Variants in SIK3 observed in about 807,000 individuals in gnomAD.
SIK3 encodes the protein SIK family kinase 3, also known as serine/threonine-protein kinase SIK3.
Under a neutral mutation model 144.2 loss-of-function variants are expected in SIK3, and 28 were observed. The ratio of observed to expected loss-of-function variants is 0.19; its 90% CI spans 0.14 to 0.27. The LOEUF is 0.27. Ranked by LOEUF, SIK3 falls within the 10% of genes least tolerant of loss-of-function variation. The pLI is 1.00. For synonymous variants in SIK3, 686 were observed against 676.3 expected, an observed-to-expected ratio of 1.01 and a Z score of -0.22; for missense variants, 1,319 against 1,776.0, an observed-to-expected ratio of 0.74 and a Z score of 4.62.
At chr11:117,053,624 C>T (rs1327544226) in intron 1 of SIK3, among the ~76,000 whole-genome samples, 1 of 152,002 alleles carries the variant, frequency 6.6e-6, no homozygotes, top group Non-Finnish European at 1.5e-5. Flanking sequence ...GGGATTTTAA[C>T]TTACCACTAT....
chr11:117,002,384 AGCC>A (rs1398606369), intron 1 of SIK3, among the ~76,000 whole-genome samples: 1 of 151,564 alleles, frequency 6.6e-6, no homozygotes, highest in Non-Finnish European at 1.5e-5. Context: ...TGGCCAGGGA[AGCC>A]AAACAATTGG....
intron 1 of SIK3, among the ~76,000 whole-genome samples, chr11:116,999,865 C>G (rs1490094380): frequency 6.6e-6 from 1 of 152,046 alleles, no homozygotes; most frequent in East Asian, 1.9e-4. Flanking sequence ...ATATACTTTC[C>G]AGGTTGTTGA....
chr11:116,979,745 G>C (rs1195608983), intron 1 of SIK3, among the ~76,000 whole-genome samples: 1 of 152,114 alleles, frequency 6.6e-6, no homozygotes, highest in Non-Finnish European at 1.5e-5. Flanking sequence ...TACTTGGGAG[G>C]CTGAAGCAGG....
chr11:117,014,239 C>T (rs1054026144), intron 1 of SIK3, among the ~76,000 whole-genome samples: 2 of 151,834 alleles, frequency 1.3e-5, no homozygotes, highest in Non-Finnish European at 2.9e-5. Context: ...CCAAGTCTTA[C>T]ATCTCTTAGT....
rs757221490 is a variant in SIK3, at chr11:116,858,371, C to T, written c.3094G>A (p.Asp1032Asn). The part of the protein sequence containing the change: ...SPRHSLTGHS[D>N]IRLPPTEFAQ... ...AACTCTGTTGGGGGCAGCCGGATGT[C>T]CGAGTGGCCGGTGAGCGAATGCCGG... Residue 1032 changes from aspartate (D) to asparagine (N), a missense_variant, in exon 21 of 25, where the codon GAC becomes AAC. Physicochemically the swap from Asp to Asn is conservative, Grantham distance 23 (BLOSUM62 1). Around this residue, in one of 8 missense-constraint regions of SIK3, gnomAD observed 646 missense variants for 763.7 expected, o/e 0.85. Coordinates refer to ENST00000445177, the MANE Select transcript of SIK3 (RefSeq NM_001366686.3). The surrounding 1 kb of genome is among the most constrained non-coding windows in gnomAD (Gnocchi z 5.4). 9 of 1,613,574 alleles carry T rather than the reference C, an allele frequency of 5.6e-6. No homozygotes were observed. Among genetic ancestry groups the T allele is most frequent in the Non-Finnish European group, 6.8e-6 (8 of 1,179,814 alleles).
intron 1 of SIK3, among the ~76,000 whole-genome samples, chr11:117,092,408 A>G (rs1269906392): frequency 2.0e-5 from 3 of 152,174 alleles, no homozygotes; most frequent in African/African-American, 7.2e-5. Flanking sequence ...CAGCTCAAAT[A>G]TCATCATCTT....
At chr11:116,876,412 A>T in intron 7 of SIK3, 49 bp from the exon 8 acceptor site, 1 of 1,425,236 alleles carries the variant, frequency 7.0e-7, no homozygotes, top group Non-Finnish European at 9.9e-7. Context: ...TAACCACATC[A>T]AATGTGGCAC....
intron 21 of SIK3, among the ~76,000 whole-genome samples, chr11:116,851,670 T>C (rs973221565): frequency 1.3e-5 from 2 of 152,176 alleles, no homozygotes; most frequent in African/African-American, 4.8e-5. Context: ...ACTATTTTGC[T>C]ACAGAAAGCT....
chr11:116,909,829 T>C (rs897542219), intron 4 of SIK3, among the ~76,000 whole-genome samples: 15 of 152,188 alleles, frequency 9.9e-5, no homozygotes. Flanking sequence ...AAATAGGAAA[T>C]GAATGTATCA....
chr11:116,861,371 C>A lies in SIK3; in HGVS notation c.2328G>T (p.Gln776His). Residue 776 changes from glutamine to histidine, a missense_variant, in exon 19 of 25, where the codon CAG becomes CAT. By Grantham distance (24) the Gln-to-His change is conservative. Coordinates refer to ENST00000445177, the MANE Select transcript of SIK3 (RefSeq NM_001366686.3). ...GGTGGTTGGGGGGTGGGCTTGAAGG[C>A]TGAATCCTTAACCTTAAAAATAACA... ...LTHQLQRLRIQPSSPPPNHPN... is the reference protein window; with the variant it reads ...LTHQLQRLRIHPSSPPPNHPN... The A allele has an allele frequency of 6.3e-7, 1 of 1,599,896 alleles. No individual in the cohort carries two copies. Among genetic ancestry groups the A allele is most frequent in the Non-Finnish European group, 8.5e-7 (1 of 1,174,790 alleles).
rs1173784198 is a variant in SIK3 at position 117,023,581 on chromosome 11, AAAACAAACAAAC to A, written c.274-66529_274-66518del. ...CCACTATGCCCAGCTAATATTCTTA[AAAACAAACAAAC>A]AAACAAACAAACAAACAAAAAAAAA... On this transcript the variant is annotated intron_variant, in intron 1 of 24. Transcript: ENST00000445177. Among the ~76,000 whole-genome samples, 29 of 106,380 alleles carry A rather than the reference AAAACAAACAAAC, an allele frequency of 2.7e-4. No individual in the cohort carries two copies. In the Admixed American group the frequency reaches 2.9e-3, roughly 11 times the overall value. 69.8% of individuals were successfully genotyped at this position (106,380 alleles called of 152,430 possible). A position where few individuals can be genotyped will look rare whatever the true frequency, so the allele number is the denominator to read the frequency against.
chr11:116,956,330 A>G (rs1949137260), intron 2 of SIK3, among the ~76,000 whole-genome samples: 1 of 148,318 alleles, frequency 6.7e-6, no homozygotes, highest in Non-Finnish European at 1.5e-5. Context: ...GTTTCTTGGG[A>G]AGACCAAAAA....
At chr11:116,999,742 T>C (rs1271963424) in intron 1 of SIK3, among the ~76,000 whole-genome samples, 1 of 152,192 alleles carries the variant, frequency 6.6e-6, no homozygotes, top group Non-Finnish European at 1.5e-5. Flanking sequence ...ATTTGTTTTC[T>C]CCCTCTTCTA....
intron 4 of SIK3, among the ~76,000 whole-genome samples, chr11:116,898,874 C>A (rs1405609623): frequency 6.7e-6 from 1 of 149,826 alleles, no homozygotes; most frequent in Non-Finnish European, 1.5e-5. Flanking sequence ...GATATTAGCC[C>A]TTTGTCAGAT....
In SIK3 at chr11:116,877,026, G is replaced by T. The variant is rs753481551; in HGVS notation, c.882C>A (p.Ile294=). 3.1e-6 allele frequency: 5 copies of T among 1,613,958 alleles called. No homozygotes were observed. ...TGGGATCTAACACCAACATATGGCG[G>T]ATCAAATGCTCACATTCTGCAATGG... ...FFMSTECEHL[I]RHMLVLDPNK... The change falls in exon 7 of 25, where the codon ATC becomes ATA. Residue 294 remains isoleucine, a synonymous_variant. Transcript: ENST00000445177.
intron 1 of SIK3, among the ~76,000 whole-genome samples, chr11:117,025,988 G>A (rs1301642205): frequency 6.6e-6 from 1 of 151,964 alleles, no homozygotes; most frequent in Non-Finnish European, 1.5e-5. Flanking sequence ...AAAAAAAATG[G>A]TGCCATGCAT....
intron 4 of SIK3, among the ~76,000 whole-genome samples, chr11:116,925,730 GT>G (rs1239830276): frequency 6.6e-6 from 1 of 152,154 alleles, no homozygotes; most frequent in Non-Finnish European, 1.5e-5. Flanking sequence ...ACAAAAGAAG[GT>G]TTGAAATTGC....
chr11:116,912,709 A>C (rs987554633), intron 4 of SIK3, among the ~76,000 whole-genome samples: 5 of 152,212 alleles, frequency 3.3e-5, no homozygotes, highest in African/African-American at 1.2e-4. Context: ...CTCACCAAAA[A>C]TCACTGTGAC....
chr11:116,947,227 A>G (rs1486624738), intron 3 of SIK3, among the ~76,000 whole-genome samples: 1 of 6,626 alleles, frequency 1.5e-4, no homozygotes, highest in Non-Finnish European at 3.9e-4. Context: ...ATATATAATT[A>G]TTTATATATT....
Sources: allele counts gnomAD v4.1 joint callset (sites outside exome capture counted in the v4.1 genomes callset), GRCh38; gene constraint gnomAD v4.1.1; regional missense constraint gnomAD v4.1.1; non-coding constraint Gnocchi (gnomAD v3.1); transcripts MANE v1.5; gene names NCBI Gene and HGNC (gene_info 2026-07-23, HGNC 2026-07-21).